FAM210A: variants seen among roughly 807,000 people sequenced by gnomAD.
FAM210A encodes the protein mitochondrial inner membrane scaffold 1.
Under a neutral mutation model 25.3 loss-of-function variants are expected in FAM210A, and 13 were observed. The ratio of observed to expected loss-of-function variants is 0.51; its 90% CI spans 0.33 to 0.82. The LOEUF (loss-of-function observed/expected upper bound fraction) is 0.82. Among genes scored for constraint, FAM210A ranks in the 40% least tolerant of loss-of-function variants. The probability of loss-of-function intolerance (pLI) is 0.02; values close to 1 mark genes in which losing one functional copy is unlikely to be tolerated. For missense variants in FAM210A, 319 were observed against 323.2 expected (o/e 0.99, Z 0.10); for synonymous variants, 125 against 118.7 (o/e 1.05, Z -0.35).
Position 13,690,442 on chromosome 18 carries a change from G to C in FAM210A, c.-28-8337C>G, listed in dbSNP as rs192888428. 6.0e-4 allele frequency among the ~76,000 whole-genome samples: 91 copies of C among 152,336 alleles called. 1 individual carries two copies. The highest frequency in any genetic ancestry group is 1.2e-3 in the Non-Finnish European group (81 of 68,034). Reference sequence around the variant, plus strand: ...GCACGGAGTTTGAGATCTGAGAATGGACAGTCTGCCTTCTCAAGTGGGTCC... The same window carrying C: ...GCACGGAGTTTGAGATCTGAGAATGCACAGTCTGCCTTCTCAAGTGGGTCC... On this transcript the variant is annotated intron_variant, in intron 1 of 3. Coordinates refer to ENST00000651643, the MANE Select transcript of FAM210A (RefSeq NM_152352.4).
At chr18:13,670,974 A>C (rs151025250) in intron 3 of FAM210A, 5,546 of 152,978 alleles carry the variant, frequency 0.036, 167 homozygotes, top group African/African-American at 0.074. Flanking sequence ...CCAGCCTGGG[A>C]AACAAGAGTG....
chr18:13,711,975 T>G (rs2043825322), intron 1 of FAM210A, among the ~76,000 whole-genome samples: 1 of 152,138 alleles, frequency 6.6e-6, no homozygotes, highest in Non-Finnish European at 1.5e-5. Context: ...TTATCAAGTC[T>G]CCTAAAATCG....
chr18:13,678,108 A>G (rs998780860), intron 2 of FAM210A, among the ~76,000 whole-genome samples: 6 of 152,204 alleles, frequency 3.9e-5, no homozygotes, highest in Admixed American at 6.5e-5. Flanking sequence ...TTTCTAGATA[A>G]CAACTAAATC....
intron 1 of FAM210A, among the ~76,000 whole-genome samples, chr18:13,720,894 C>T (rs2043893168): frequency 6.6e-6 from 1 of 152,122 alleles, no homozygotes; most frequent in South Asian, 2.1e-4. Flanking sequence ...AAATGTGTGA[C>T]ATTTCTTGGT....
intron 2 of FAM210A, among the ~76,000 whole-genome samples, chr18:13,673,082 T>C (rs2043456870): frequency 6.6e-6 from 1 of 151,582 alleles, no homozygotes; most frequent in African/African-American, 2.4e-5. Flanking sequence ...CCGACTTCTT[T>C]ATTTCCAATT....
intron 1 of FAM210A, among the ~76,000 whole-genome samples, chr18:13,699,228 C>T (rs1189944532): frequency 6.6e-6 from 1 of 152,198 alleles, no homozygotes. Flanking sequence ...TTTCCTACTC[C>T]CTAATGCACT....
intron 1 of FAM210A, among the ~76,000 whole-genome samples, chr18:13,690,238 G>C (rs1390230094): frequency 6.6e-6 from 1 of 152,246 alleles, no homozygotes; most frequent in Non-Finnish European, 1.5e-5. Context: ...GCTTGAGTAG[G>C]AAAAGAAAGC....
intron 1 of FAM210A, among the ~76,000 whole-genome samples, chr18:13,718,073 G>C (rs1232256314): frequency 2.0e-5 from 3 of 152,170 alleles, no homozygotes; most frequent in Non-Finnish European, 4.4e-5. Context: ...TGAACCTCCA[G>C]ATGAGAATGC....
intron 1 of FAM210A, among the ~76,000 whole-genome samples, chr18:13,703,208 G>T (rs1398333453): frequency 6.6e-5 from 10 of 152,188 alleles, no homozygotes; most frequent in Non-Finnish European, 8.8e-5. Flanking sequence ...CATTATGAAA[G>T]AGCTTTGGTA....
intron 1 of FAM210A, among the ~76,000 whole-genome samples, chr18:13,717,440 G>A (rs1019141866): frequency 2.7e-5 from 4 of 146,788 alleles, no homozygotes; most frequent in Non-Finnish European, 6.0e-5. Context: ...ACTGTGCCCA[G>A]CCCAAGTCTA....
In FAM210A at chr18:13,682,025, A is replaced by T; in HGVS notation, c.53T>A (p.Leu18Ter). ...AAAGAGACCAGCATTATGTGGTTCC[A>T]AGCATGTCCTGCGTGCCAGTCGAGA... ...TVSRLARRTC[L>*]EPHNAGLFGH... The change falls in exon 2 of 4, where the codon TTG becomes TAG. Residue 18 changes from leucine to a stop codon, truncating the protein, a stop_gained. Transcript: ENST00000651643. LOFTEE classifies it high-confidence loss of function. 6.2e-7 allele frequency: 1 copy of T among 1,613,398 alleles called. No individual in the cohort carries two copies. The highest frequency in any genetic ancestry group is 8.5e-7 in the Non-Finnish European group (1 of 1,179,558).
intron 1 of FAM210A, among the ~76,000 whole-genome samples, chr18:13,690,340 G>A (rs549267731): frequency 3.3e-4 from 50 of 152,330 alleles, no homozygotes; most frequent in African/African-American, 4.3e-4. Flanking sequence ...AGGCATAGCC[G>A]AACAAAAGGC....
chr18:13,697,938 C>T (rs2043708349), intron 1 of FAM210A, among the ~76,000 whole-genome samples: 1 of 152,136 alleles, frequency 6.6e-6, no homozygotes, highest in African/African-American at 2.4e-5. Flanking sequence ...ATGCATATTG[C>T]CAAGTCAAAG....
At chr18:13,712,751 T>A (rs1787889) in intron 1 of FAM210A, among the ~76,000 whole-genome samples, 2 of 151,892 alleles carry the variant, frequency 1.3e-5, no homozygotes, top group African/African-American at 4.8e-5. Context: ...TTCCACTGTT[T>A]ATGAGCCACC....
At chr18:13,673,831 C>T (rs1462065076) in intron 2 of FAM210A, among the ~76,000 whole-genome samples, 1 of 145,202 alleles carries the variant, frequency 6.9e-6, no homozygotes, top group South Asian at 2.2e-4. Flanking sequence ...TCTTTATTTC[C>T]GGTTTCCTGA....
rs375912922 is a variant in FAM210A at position 13,681,729 on chromosome 18, C to T, written c.349G>A (p.Asp117Asn). ...EKKEEPDPLQ[D>N]KSISLYQRFK... Reference sequence around the variant, plus strand: ...CGTTGATAAAGACTAATAGATTTGTCTTGCAAAGGATCAGGCTCTTCCTTT... The same window carrying T: ...CGTTGATAAAGACTAATAGATTTGTTTTGCAAAGGATCAGGCTCTTCCTTT... Residue 117 changes from aspartate to asparagine, a missense_variant, in exon 2 of 4, where the codon GAC becomes AAC. Physicochemically the swap from Asp to Asn is conservative, Grantham distance 23. Coordinates refer to ENST00000651643, the MANE Select transcript of FAM210A (RefSeq NM_152352.4). 7.9e-5 allele frequency: 128 copies of T among 1,614,082 alleles called. No individual in the cohort carries two copies. The highest frequency in any genetic ancestry group is 1.0e-4 in the Non-Finnish European group (122 of 1,180,042).
rs1471314290 is a variant in FAM210A, at chr18:13,664,162, A to T, written c.*2318T>A. On this transcript the variant is annotated 3_prime_UTR_variant, in exon 4 of 4. Transcript: ENST00000651643. ...ACAACAGAGCTTCTCACATCTTCAG[A>T]GCATTTTTTACTAGAGAATTTCATA... 1 of 152,222 alleles carries T rather than the reference A, an allele frequency of 6.6e-6. No homozygotes were observed. The highest frequency in any genetic ancestry group is 1.5e-5 in the Non-Finnish European group (1 of 68,038). The allele number at this position is 152,222 out of a possible 1,614,324, so 9.4% of individuals were successfully genotyped here.
intron 1 of FAM210A, among the ~76,000 whole-genome samples, chr18:13,694,334 A>G (rs1195577414): frequency 6.6e-6 from 1 of 152,186 alleles, no homozygotes; most frequent in African/African-American, 2.4e-5. Context: ...TCAAGCTACC[A>G]ATGACTTTCT....
At chr18:13,698,823 C>T (rs1321802745) in intron 1 of FAM210A, among the ~76,000 whole-genome samples, 1 of 152,192 alleles carries the variant, frequency 6.6e-6, no homozygotes, top group Non-Finnish European at 1.5e-5. Context: ...GCCCAGACCC[C>T]TCCCCCCGAT....
Sources: allele counts gnomAD v4.1 joint callset (sites outside exome capture counted in the v4.1 genomes callset), GRCh38; gene constraint gnomAD v4.1.1; transcripts MANE v1.5; gene names NCBI Gene and HGNC (gene_info 2026-07-23, HGNC 2026-07-21).